The following DLG2 variants were observed in gnomAD, a reference collection of about 807,000 sequenced individuals.
DLG2 encodes discs large MAGUK scaffold protein 2.
In DLG2, 45 loss-of-function variants were observed where a neutral mutation model predicts 132.5. The ratio of observed to expected loss-of-function variants is 0.34; its 90% CI spans 0.27 to 0.44. DLG2 has a LOEUF of 0.44. Ranked by LOEUF, DLG2 falls within the 20% of genes least tolerant of loss-of-function variation. The probability of loss-of-function intolerance (pLI) is 1.00; values close to 1 mark genes in which losing one functional copy is unlikely to be tolerated. For synonymous variants in DLG2, 424 were observed against 419.6 expected, an observed-to-expected ratio of 1.01 and a Z score of -0.13; for missense variants, 1,045 against 1,196.9, an observed-to-expected ratio of 0.87 and a Z score of 1.87.
chr11:84,611,949 T>C (rs1031613875), intron 6 of DLG2, among the ~76,000 whole-genome samples: 1 of 152,196 alleles, frequency 6.6e-6, no homozygotes, highest in Non-Finnish European at 1.5e-5. Flanking sequence ...ACAACTATTT[T>C]GAAGTATAAT....
At chr11:84,582,848 A>T (rs2099519893) in intron 6 of DLG2, among the ~76,000 whole-genome samples, 1 of 152,198 alleles carries the variant, frequency 6.6e-6, no homozygotes, top group Non-Finnish European at 1.5e-5. Flanking sequence ...TGGGATTTAG[A>T]CTGGACACAA....
At chr11:83,739,635 T>C (rs2092337503) in intron 18 of DLG2, among the ~76,000 whole-genome samples, 1 of 152,228 alleles carries the variant, frequency 6.6e-6, no homozygotes, top group South Asian at 2.1e-4. Context: ...GAAATGCAAA[T>C]TAAACCAAAA....
chr11:83,645,841 A>G (rs1236335646), intron 18 of DLG2: 1 of 152,094 alleles, frequency 6.6e-6, no homozygotes, highest in Non-Finnish European at 1.5e-5. Context: ...TTACAGGGTA[A>G]GTTTTTTCCA....
intron 6 of DLG2, among the ~76,000 whole-genome samples, chr11:84,600,768 A>G (rs932684024): frequency 6.6e-6 from 1 of 152,192 alleles, no homozygotes; most frequent in African/African-American, 2.4e-5. Flanking sequence ...TAACAACAGT[A>G]AACTTTGTAT....
intron 6 of DLG2, among the ~76,000 whole-genome samples, chr11:84,979,624 G>A (rs1263901091): frequency 1.3e-5 from 2 of 151,992 alleles, no homozygotes; most frequent in Non-Finnish European, 2.9e-5. Context: ...CTTGGACACA[G>A]GAAGGGGAAC....
chr11:85,226,739 A>G (rs1407134446), intron 4 of DLG2, among the ~76,000 whole-genome samples: 1 of 152,160 alleles, frequency 6.6e-6, no homozygotes, highest in Non-Finnish European at 1.5e-5. Context: ...CAACAGAAAA[A>G]GACAATGATG....
chr11:85,199,659 T>G (rs535845545), intron 4 of DLG2, among the ~76,000 whole-genome samples: 8 of 152,222 alleles, frequency 5.3e-5, no homozygotes, highest in Admixed American at 3.9e-4. Flanking sequence ...TTGACCTCTC[T>G]TTGGAAAGTA....
chr11:84,940,498 T>A (rs1260226124), intron 6 of DLG2, among the ~76,000 whole-genome samples: 1 of 152,242 alleles, frequency 6.6e-6, no homozygotes, highest in Non-Finnish European at 1.5e-5. Context: ...CCTTTTCAAA[T>A]ACCTATTTGC....
chr11:84,848,156 C>G (rs2081729523), intron 6 of DLG2, among the ~76,000 whole-genome samples: 1 of 152,106 alleles, frequency 6.6e-6, no homozygotes. Flanking sequence ...GCCCCCAGAA[C>G]AGTGAGTTGG....
chr11:84,019,792 T>C (rs2095336441), intron 11 of DLG2, among the ~76,000 whole-genome samples: 1 of 152,190 alleles, frequency 6.6e-6, no homozygotes, highest in African/African-American at 2.4e-5. Flanking sequence ...GGCAAACTAC[T>C]GGAAGCTGGG....
At chr11:83,487,771 A>G (rs1303834787) in intron 21 of DLG2, among the ~76,000 whole-genome samples, 4 of 151,942 alleles carry the variant, frequency 2.6e-5, no homozygotes, top group African/African-American at 9.7e-5. Flanking sequence ...TATTTTTTGG[A>G]CTTTCTTCAA....
At chr11:85,243,013 G>A (rs2075964693) in intron 4 of DLG2, among the ~76,000 whole-genome samples, 1 of 152,052 alleles carries the variant, frequency 6.6e-6, no homozygotes, top group East Asian at 1.9e-4. Context: ...GGCATTTGGT[G>A]TCCTAAGGCA....
In DLG2 at chr11:85,159,732, G is replaced by T. The variant is rs144496576; in HGVS notation, c.187-5081C>A. Among the ~76,000 whole-genome samples the T allele has an allele frequency of 4.9e-3, 753 of 152,292 alleles. 4 individuals carry two copies. Among genetic ancestry groups the T allele is most frequent in the African/African-American group, 0.017 (705 of 41,566 alleles). On this transcript the variant is annotated intron_variant, in intron 4 of 27. Transcript: ENST00000376104. ...GGCAAATGACTTTTTCTCCATTCCT[G>T]TTCATAAGACCCATCAGAAACAATT...
At chr11:85,470,008 T>C (rs981693644) in intron 3 of DLG2, among the ~76,000 whole-genome samples, 2 of 152,156 alleles carry the variant, frequency 1.3e-5, no homozygotes, top group Non-Finnish European at 2.9e-5. Flanking sequence ...TGCCTACCTT[T>C]CTACTTCCTC....
chr11:83,797,452 G>A (rs188840931), intron 17 of DLG2, among the ~76,000 whole-genome samples: 25 of 152,004 alleles, frequency 1.6e-4, no homozygotes, highest in Admixed American at 1.1e-3. Flanking sequence ...GCTAACATAT[G>A]ACAAAGTCAG....
intron 7 of DLG2, among the ~76,000 whole-genome samples, chr11:84,358,256 C>G (rs550538640): frequency 1.3e-5 from 2 of 151,776 alleles, no homozygotes; most frequent in Non-Finnish European, 2.9e-5. Flanking sequence ...TTAAATGCAG[C>G]CCTCATTAAG....
At chr11:84,912,408 G>C (rs937563322) in intron 6 of DLG2, among the ~76,000 whole-genome samples, 1 of 152,162 alleles carries the variant, frequency 6.6e-6, no homozygotes, top group Non-Finnish European at 1.5e-5. Flanking sequence ...CGCCCGCCTG[G>C]GCCTCCCAAA....
chr11:84,346,195 T>C (rs540598605), intron 7 of DLG2, among the ~76,000 whole-genome samples: 1 of 152,366 alleles, frequency 6.6e-6, no homozygotes, highest in East Asian at 1.9e-4. Context: ...GTGCAAAGTA[T>C]TCTTTGATAC....
chr11:85,206,075 C>A (rs1478404958), intron 4 of DLG2, among the ~76,000 whole-genome samples: 3 of 152,032 alleles, frequency 2.0e-5, no homozygotes, highest in Admixed American at 6.6e-5. Context: ...CTGTACTATC[C>A]TCAAGATAAT....
Sources: allele counts gnomAD v4.1 joint callset (sites outside exome capture counted in the v4.1 genomes callset), GRCh38; gene constraint gnomAD v4.1.1; transcripts MANE v1.5; gene names NCBI Gene and HGNC (gene_info 2026-07-23, HGNC 2026-07-21).